Variants in HIVEP3 observed in about 807,000 individuals in gnomAD.
HIVEP3 encodes the protein transcription factor HIVEP3.
In HIVEP3, 49 loss-of-function variants were observed where a neutral mutation model predicts 152.8. The ratio of observed to expected loss-of-function variants is 0.32; its 90% CI spans 0.26 to 0.41. HIVEP3 has a LOEUF of 0.41. Ranked by LOEUF, HIVEP3 falls within the 10% of genes least tolerant of loss-of-function variation. The pLI is 1.00. For synonymous variants in HIVEP3, 1,269 were observed against 1,289.0 expected (o/e 0.98, Z 0.33); for missense variants, 2,790 against 3,103.3 (o/e 0.90, Z 2.40).
intron 1 of HIVEP3, among the ~76,000 whole-genome samples, chr1:41,952,693 T>C (rs2124492396): frequency 6.6e-6 from 1 of 152,306 alleles, no homozygotes; most frequent in East Asian, 1.9e-4. Flanking sequence ...TGCACATGCA[T>C]GTAAAGGACA....
At chr1:41,900,567 C>T (rs929231848) in intron 1 of HIVEP3, among the ~76,000 whole-genome samples, 1 of 152,134 alleles carries the variant, frequency 6.6e-6, no homozygotes. Flanking sequence ...GCCTCTCTAT[C>T]CCTTCCCTCT....
intron 1 of HIVEP3, among the ~76,000 whole-genome samples, chr1:41,929,618 T>C (rs1309267969): frequency 6.6e-6 from 1 of 151,656 alleles, no homozygotes. Flanking sequence ...CTACAGGCCA[T>C]CTCAGTAGAC....
chr1:41,698,388 T>G (rs1558189242), intron 2 of HIVEP3, among the ~76,000 whole-genome samples: 2 of 152,198 alleles, frequency 1.3e-5, no homozygotes, highest in Non-Finnish European at 2.9e-5. Context: ...ACCAGGTTTA[T>G]GTCAGCATTT....
At chr1:41,792,049 T>C (rs1570549270) in intron 1 of HIVEP3, among the ~76,000 whole-genome samples, 1 of 152,128 alleles carries the variant, frequency 6.6e-6, no homozygotes, top group African/African-American at 2.4e-5. Flanking sequence ...TGACCATTCC[T>C]CCCACTCCGT....
At chr1:41,990,868 C>T (rs1243933899) in intron 1 of HIVEP3, among the ~76,000 whole-genome samples, 5 of 124,474 alleles carry the variant, frequency 4.0e-5, no homozygotes, top group Non-Finnish European at 6.7e-5. Flanking sequence ...CGCTCAACTA[C>T]ATGGAAACTG....
chr1:41,709,762 T>C (rs1271451762), intron 1 of HIVEP3, among the ~76,000 whole-genome samples: 4 of 152,160 alleles, frequency 2.6e-5, no homozygotes, highest in Non-Finnish European at 4.4e-5. Flanking sequence ...CGGCAAAGTT[T>C]AGGCGAGGGT....
intron 4 of HIVEP3, among the ~76,000 whole-genome samples, chr1:41,576,005 G>A (rs1369318463): frequency 6.6e-6 from 1 of 152,180 alleles, no homozygotes; most frequent in Non-Finnish European, 1.5e-5. Flanking sequence ...CTGGGGACAG[G>A]TCCTCATCTT....
chr1:41,553,384 T>A (rs907886859), intron 5 of HIVEP3, among the ~76,000 whole-genome samples: 8 of 152,252 alleles, frequency 5.3e-5, no homozygotes, highest in African/African-American at 1.9e-4. Flanking sequence ...ATTTTGAGCC[T>A]ATGTGTGTCT....
At chr1:41,526,295 A>T (rs1642905116) in intron 5 of HIVEP3, among the ~76,000 whole-genome samples, 1 of 142,772 alleles carries the variant, frequency 7.0e-6, no homozygotes, top group African/African-American at 2.6e-5. Context: ...GCTCACCCTC[A>T]CACACACTCA....
upstream of HIVEP3, among the ~76,000 whole-genome samples, chr1:41,921,919 C>A (rs1359209835): frequency 6.6e-6 from 1 of 151,078 alleles, no homozygotes; most frequent in Non-Finnish European, 1.5e-5. Context: ...TGCGCACACA[C>A]ACACACCACA....
At chr1:41,744,346 C>T (rs1647039825) in intron 1 of HIVEP3, among the ~76,000 whole-genome samples, 2 of 152,178 alleles carry the variant, frequency 1.3e-5, no homozygotes, top group South Asian at 4.1e-4. Context: ...GCCCAGCCAG[C>T]CTTTTAAAAT....
chr1:41,824,436 C>T (rs754927496), intron 1 of HIVEP3, among the ~76,000 whole-genome samples: 7 of 152,178 alleles, frequency 4.6e-5, no homozygotes, highest in Admixed American at 1.3e-4. Context: ...GGTAATGCCT[C>T]CTTTTCAGTT....
At chr1:41,877,321 C>G (rs2124421599) in intron 1 of HIVEP3, among the ~76,000 whole-genome samples, 1 of 152,324 alleles carries the variant, frequency 6.6e-6, no homozygotes, top group African/African-American at 2.4e-5. Context: ...TGCTGTCACT[C>G]AGCCAGAAGG....
At chr1:41,650,403 A>G (rs185877883) in intron 2 of HIVEP3, among the ~76,000 whole-genome samples, 85 of 152,316 alleles carry the variant, frequency 5.6e-4, no homozygotes, top group African/African-American at 2.0e-3. Flanking sequence ...TGAGGAAGGA[A>G]GAAGAGGCTA....
At chr1:41,814,518 G>A (rs566250707) in intron 1 of HIVEP3, among the ~76,000 whole-genome samples, 1 of 152,350 alleles carries the variant, frequency 6.6e-6, no homozygotes, top group African/African-American at 2.4e-5. Flanking sequence ...TGCAGGCCCG[G>A]CTTCCCTAAG....
intron 1 of HIVEP3, among the ~76,000 whole-genome samples, chr1:41,811,709 G>C (rs992921357): frequency 6.6e-6 from 1 of 151,854 alleles, no homozygotes; most frequent in Non-Finnish European, 1.5e-5. Flanking sequence ...GTGGGGAAAG[G>C]CGAAACGTCA....
chr1:41,583,245 G>A lies in HIVEP3; in HGVS notation c.1553C>T (p.Pro518Leu), dbSNP rs1644447041. 6.2e-7 allele frequency: 1 copy of A among 1,613,092 alleles called. No homozygotes were observed. Among genetic ancestry groups the A allele is most frequent in the Non-Finnish European group, 8.5e-7 (1 of 1,179,630 alleles). The change falls in exon 4 of 9, where the codon CCT becomes CTT. Residue 518 changes from proline to leucine, a missense_variant. Coordinates refer to ENST00000372583, the MANE Select transcript of HIVEP3 (RefSeq NM_024503.5). The surrounding 1 kb of genome is among the most constrained non-coding windows in gnomAD (Gnocchi z 6.9). The part of the protein sequence containing the change: ...PLSSHSEKTK[P>L]EQSLLSLQHP... ...CTGGAGGCTCAGCAGTGATTGTTCA[G>A]GCTTGGTTTTCTCACTGTGGGATGA...
intron 2 of HIVEP3, among the ~76,000 whole-genome samples, chr1:41,667,729 C>T (rs115012669): frequency 3.9e-5 from 6 of 152,320 alleles, no homozygotes; most frequent in African/African-American, 1.4e-4. Flanking sequence ...CCTCAGTTTT[C>T]ACAGCTGCTA....
intron 1 of HIVEP3, among the ~76,000 whole-genome samples, chr1:41,757,765 G>A (rs1647412392): frequency 6.7e-6 from 1 of 148,882 alleles, no homozygotes; most frequent in South Asian, 2.1e-4. Flanking sequence ...CCTGGCTGGA[G>A]TGCAATGGTG....
Sources: gnomAD v4.1 joint callset for allele counts (sites outside exome capture counted in the v4.1 genomes callset) on GRCh38, gnomAD v4.1.1 for gene constraint, Gnocchi (gnomAD v3.1) non-coding constraint, MANE v1.5 for transcripts, NCBI Gene and HGNC (gene_info 2026-07-23, HGNC 2026-07-21) for gene names.